The following FGD6 variants were observed in gnomAD, a reference collection of about 807,000 sequenced individuals.
The protein encoded by FGD6 is FYVE, RhoGEF and PH domain containing 6, also known as FYVE, RhoGEF and PH domain-containing protein 6.
A neutral mutation model predicts 149.4 loss-of-function variants in FGD6; 90 were observed. The ratio of observed to expected loss-of-function variants is 0.60; its 90% CI spans 0.51 to 0.72. FGD6 has a LOEUF of 0.72. FGD6 is among the 30% of genes least tolerant of loss of function. The probability of loss-of-function intolerance (pLI) is 0.00; values close to 1 mark genes in which losing one functional copy is unlikely to be tolerated. For synonymous variants in FGD6, 527 were observed against 584.0 expected (o/e 0.90, Z 1.41); for missense variants, 1,437 against 1,684.8 (o/e 0.85, Z 2.57).
intron 6 of FGD6, among the ~76,000 whole-genome samples, chr12:95,138,555 GA>G (rs568018603): frequency 0.049 from 5,699 of 117,194 alleles, 115 homozygotes; most frequent in Middle Eastern, 0.091. Context: ...AAAAGAAAAA[GA>G]AAAAAAAAAA....
intron 2 of FGD6, among the ~76,000 whole-genome samples, chr12:95,193,667 T>C (rs1881656897): frequency 6.6e-6 from 1 of 151,952 alleles, no homozygotes; most frequent in Non-Finnish European, 1.5e-5. Context: ...TAGCTGGGAC[T>C]ACAAGCATGC....
rs764414858 is a variant in FGD6 at position 95,217,253 on chromosome 12, C to T, written c.-13G>A. ...CTGCAGAAGTCATGATTCCCCGGTG[C>T]AGCTCGCTTCCCCGCTCGGCCCCTC... On this transcript the variant is annotated 5_prime_UTR_variant, in exon 1 of 21. Coordinates refer to ENST00000343958, the MANE Select transcript of FGD6 (RefSeq NM_018351.4). The T allele has an allele frequency of 6.2e-7, 1 of 1,608,936 alleles. No homozygotes were observed. Among genetic ancestry groups the T allele is most frequent in the South Asian group, 1.1e-5 (1 of 90,772 alleles).
chr12:95,146,747 A>G (rs1880027127), intron 5 of FGD6, among the ~76,000 whole-genome samples: 1 of 151,038 alleles, frequency 6.6e-6, no homozygotes, highest in Non-Finnish European at 1.5e-5. Context: ...GCATATGATA[A>G]TATTATTCTT....
At chr12:95,125,838 A>G in intron 8 of FGD6, 1 of 1,024,912 alleles carries the variant, frequency 9.8e-7, no homozygotes, top group Non-Finnish European at 1.5e-6. Context: ...ATTCATTGTG[A>G]TCATAGATGT....
intron 2 of FGD6, among the ~76,000 whole-genome samples, chr12:95,191,923 A>C (rs944788518): frequency 1.3e-5 from 2 of 152,124 alleles, no homozygotes; most frequent in Non-Finnish European, 2.9e-5. Context: ...TTTTTAGTAC[A>C]GATGGGGTTT....
In FGD6 at chr12:95,171,953, T is replaced by C. The variant is rs1489369294; in HGVS notation, c.2586+647A>G. 2.0e-5 allele frequency among the ~76,000 whole-genome samples: 3 copies of C among 146,392 alleles called. No individual in the cohort carries two copies. In the South Asian group the frequency reaches 6.4e-4, roughly 31 times the overall value. On this transcript the variant is annotated intron_variant, in intron 3 of 20. Transcript: ENST00000343958. ...CAGCCATCTTTATTCTTTCCCAAAA[T>C]AATTTGAGTCTAAAATGCATATAAT...
intron 3 of FGD6, among the ~76,000 whole-genome samples, chr12:95,167,121 C>T (rs933335995): frequency 2.0e-5 from 3 of 152,126 alleles, no homozygotes; most frequent in Non-Finnish European, 2.9e-5. Flanking sequence ...TCGCAAAGTG[C>T]TGGGATTACA....
chr12:95,174,944 A>G (rs955945492), intron 2 of FGD6, among the ~76,000 whole-genome samples: 1 of 151,372 alleles, frequency 6.6e-6, no homozygotes, highest in Non-Finnish European at 1.5e-5. Context: ...AAAAAAAAAA[A>G]AAAGAAATTA....
chr12:95,083,484 AT>A (rs1877763263), intron 20 of FGD6, among the ~76,000 whole-genome samples: 1 of 152,182 alleles, frequency 6.6e-6, no homozygotes, highest in Non-Finnish European at 1.5e-5. Context: ...ATATCTGACA[AT>A]ATTAGGGCAA....
At chr12:95,194,247 T>C (rs999285206) in intron 2 of FGD6, among the ~76,000 whole-genome samples, 12 of 150,354 alleles carry the variant, frequency 8.0e-5, no homozygotes, top group Admixed American at 1.3e-4. Flanking sequence ...TATATAACTT[T>C]TTTTTGAGAC....
chr12:95,167,288 C>T (rs192092765), intron 3 of FGD6, among the ~76,000 whole-genome samples: 57 of 152,248 alleles, frequency 3.7e-4, no homozygotes, highest in Non-Finnish European at 5.9e-5. Flanking sequence ...GGTAACTCTA[C>T]ATTTAAACTT....
At chr12:95,108,034 A>T (rs1878688405) in intron 11 of FGD6, among the ~76,000 whole-genome samples, 1 of 152,186 alleles carries the variant, frequency 6.6e-6, no homozygotes. Flanking sequence ...TACATTAAAG[A>T]TGTTAAATGA....
chr12:95,201,201 A>G (rs1037784187), intron 2 of FGD6, among the ~76,000 whole-genome samples: 1 of 152,178 alleles, frequency 6.6e-6, no homozygotes, highest in Non-Finnish European at 1.5e-5. Context: ...TCCCTTCCAT[A>G]AAGACACACG....
At chr12:95,213,175 G>A (rs770877100) in intron 1 of FGD6, among the ~76,000 whole-genome samples, 3 of 152,044 alleles carry the variant, frequency 2.0e-5, no homozygotes, top group Non-Finnish European at 4.4e-5. Context: ...AATGCCTTAG[G>A]CCTCTTCCCA....
At chr12:95,204,549 C>T (rs949134446) in intron 2 of FGD6, among the ~76,000 whole-genome samples, 3 of 152,152 alleles carry the variant, frequency 2.0e-5, no homozygotes, top group Non-Finnish European at 2.9e-5. Context: ...GCTCACCCAG[C>T]CCCCAGTTTC....
chr12:95,100,551 T>G (rs1236515464), intron 14 of FGD6: 2 of 327,126 alleles, frequency 6.1e-6, no homozygotes, highest in African/African-American at 6.7e-5. Flanking sequence ...CGGAGGCTAA[T>G]CGCACTGTTG....
chr12:95,190,216 C>T (rs1160367944), intron 2 of FGD6, among the ~76,000 whole-genome samples: 1 of 152,174 alleles, frequency 6.6e-6, no homozygotes, highest in African/African-American at 2.4e-5. Context: ...GTCGCTCAGG[C>T]TGGAGTGCAA....
At chr12:95,153,807 A>G (rs1565910431) in intron 3 of FGD6, among the ~76,000 whole-genome samples, 1 of 152,160 alleles carries the variant, frequency 6.6e-6, no homozygotes, top group Admixed American at 6.5e-5. Context: ...TAACAAATAT[A>G]AGTCAAAATT....
At chr12:95,084,203 T>C (rs1009869297) in intron 20 of FGD6, among the ~76,000 whole-genome samples, 3 of 152,246 alleles carry the variant, frequency 2.0e-5, no homozygotes, top group African/African-American at 2.4e-5. Context: ...TTAGCTTTCC[T>C]TCCTTTCAGC....
Sources: allele counts gnomAD v4.1 joint callset (sites outside exome capture counted in the v4.1 genomes callset), GRCh38; gene constraint gnomAD v4.1.1; transcripts MANE v1.5; gene names NCBI Gene and HGNC (gene_info 2026-07-23, HGNC 2026-07-21).